Variants in ST3GAL6 observed in about 807,000 individuals in gnomAD.
The protein encoded by ST3GAL6 is type 2 lactosamine alpha-2,3-sialyltransferase.
A neutral mutation model predicts 40.5 loss-of-function variants in ST3GAL6; 31 were observed. That is an observed-to-expected ratio of 0.77 (90% CI 0.58 to 1.03). The LOEUF is 1.03. Ranked by LOEUF, ST3GAL6 falls within the 50% of genes least tolerant of loss-of-function variation. ST3GAL6 has a pLI of 0.00. For synonymous variants in ST3GAL6, 129 were observed against 136.9 expected (o/e 0.94, Z 0.40); for missense variants, 357 against 393.2 (o/e 0.91, Z 0.78).
At chr3:98,755,057 A>AT (rs965015303) in intron 1 of ST3GAL6, among the ~76,000 whole-genome samples, 46 of 151,706 alleles carry the variant, frequency 3.0e-4, no homozygotes, top group African/African-American at 1.1e-3. Context: ...TTATTTGTTT[A>AT]TTTTTTTTGA....
At chr3:98,782,555 C>A in intron 5 of ST3GAL6, 2 of 553,908 alleles carry the variant, frequency 3.6e-6, no homozygotes, top group East Asian at 3.2e-5. Flanking sequence ...ATCCAAGTAC[C>A]ATGCTCTTTA....
chr3:98,732,957 G>A, intron 1 of ST3GAL6: 1 of 1,505,958 alleles, frequency 6.6e-7, no homozygotes. Context: ...GTCGCTCCTG[G>A]GCCTCGGCGG....
chr3:98,770,883 G>T lies in ST3GAL6; in HGVS notation c.94G>T (p.Ala32Ser). 6.2e-7 allele frequency: 1 copy of T among 1,613,974 alleles called. No individual in the cohort carries two copies. Among genetic ancestry groups the T allele is most frequent in the Non-Finnish European group, 8.5e-7 (1 of 1,179,942 alleles). ...GACATTATTTTTGTCTCATAGGGTG[G>T]CACCTGTGGAAATGAAACGGAGAAA... ...ILWGTNVYWV[A>S]PVEMKRRNKI... Residue 32 changes from alanine (A) to serine (S), a missense_variant, in exon 3 of 10, where the codon GCA becomes TCA. Physicochemically the swap from Ala to Ser is moderately conservative, Grantham distance 99 (BLOSUM62 1). Coordinates refer to ENST00000483910, the MANE Select transcript of ST3GAL6 (RefSeq NM_001323368.2).
At chr3:98,759,614 T>C (rs1048941104), upstream of ST3GAL6, among the ~76,000 whole-genome samples, 1 of 152,176 alleles carries the variant, frequency 6.6e-6, no homozygotes, top group Non-Finnish European at 1.5e-5. Flanking sequence ...AGTTTTTTTT[T>C]TTTAAACTTT....
intron 5 of ST3GAL6, among the ~76,000 whole-genome samples, chr3:98,781,227 A>G (rs1020333582): frequency 6.6e-6 from 1 of 152,166 alleles, no homozygotes; most frequent in Non-Finnish European, 1.5e-5. Context: ...CTAACACAGG[A>G]ACAGAAAACC....
chr3:98,762,938 A>G, upstream of ST3GAL6: 1 of 985,470 alleles, frequency 1.0e-6, no homozygotes, highest in Non-Finnish European at 1.2e-6. Context: ...TTACATGATC[A>G]TCGCTGCCAG....
At chr3:98,782,166 G>T in intron 5 of ST3GAL6, 3 of 681,178 alleles carry the variant, frequency 4.4e-6, no homozygotes, top group Non-Finnish European at 7.9e-6. Context: ...AATCAAACTT[G>T]CTTGTAAAAG....
chr3:98,774,826 T>G (rs1939359898), intron 5 of ST3GAL6, among the ~76,000 whole-genome samples: 1 of 152,242 alleles, frequency 6.6e-6, no homozygotes, highest in Non-Finnish European at 1.5e-5. Context: ...GTTTATCTCA[T>G]TTTTCTCTGT....
intron 5 of ST3GAL6, chr3:98,782,919 TCA>T: frequency 4.4e-6 from 1 of 228,688 alleles, no homozygotes; most frequent in East Asian, 1.2e-4. Context: ...GAAGTGTTAC[TCA>T]GCTCAGTCTA....
chr3:98,767,546 A>G (rs1370973758), intron 1 of ST3GAL6, among the ~76,000 whole-genome samples: 1 of 152,258 alleles, frequency 6.6e-6, no homozygotes, highest in East Asian at 1.9e-4. Context: ...TAAGGGAGAC[A>G]GAGAAGCAGT....
rs774781431 is a variant in ST3GAL6, at chr3:98,785,025, A to G, written c.416A>G (p.Tyr139Cys). The change falls in exon 6 of 10, where the codon TAT becomes TGT. Residue 139 changes from tyrosine (Y) to cysteine (C), a missense_variant. Tyr to Cys is a radical substitution (Grantham distance 194, BLOSUM62 -2). Transcript: ENST00000483910. Reference protein sequence around the residue: ...NKTLGEKIDSYDVIIRMNNGP... With the variant: ...NKTLGEKIDSCDVIIRMNNGP... ...ACATTAGGAGAAAAAATCGACTCCT[A>G]TGATGTAATAATAAGGTAAATATAT... is the stretch of plus-strand genomic sequence containing the variant. 4 of 1,601,944 alleles carry G rather than the reference A, an allele frequency of 2.5e-6. No homozygotes were observed. The highest frequency in any genetic ancestry group is 1.7e-4 in the Middle Eastern group (1 of 6,044).
intron 8 of ST3GAL6, among the ~76,000 whole-genome samples, chr3:98,789,092 C>T (rs1440705507): frequency 6.6e-6 from 1 of 152,194 alleles, no homozygotes; most frequent in Non-Finnish European, 1.5e-5. Context: ...TAGACCCATA[C>T]AGTGGCAGAG....
intron 1 of ST3GAL6, among the ~76,000 whole-genome samples, chr3:98,755,576 A>G (rs1389379169): frequency 6.6e-6 from 1 of 152,164 alleles, no homozygotes; most frequent in Non-Finnish European, 1.5e-5. Flanking sequence ...TGCAGCTGCT[A>G]TTTTTCAAGT....
chr3:98,786,394 C>G (rs932472230), intron 6 of ST3GAL6, among the ~76,000 whole-genome samples: 3 of 152,114 alleles, frequency 2.0e-5, no homozygotes, highest in Admixed American at 6.5e-5. Context: ...TGTTCCAGGA[C>G]AGAAGGAGTG....
At chr3:98,762,388 TC>T (rs1249477728), upstream of ST3GAL6, among the ~76,000 whole-genome samples, 1 of 152,264 alleles carries the variant, frequency 6.6e-6, no homozygotes, top group African/African-American at 2.4e-5. Flanking sequence ...AGAGTTTTTT[TC>T]TTAACTTGTA....
At chr3:98,790,003 TGGA>T (rs1268080628) in intron 8 of ST3GAL6, among the ~76,000 whole-genome samples, 5 of 152,030 alleles carry the variant, frequency 3.3e-5, no homozygotes, top group African/African-American at 1.2e-4. Context: ...TTTAGAAACG[TGGA>T]GGTCATATTG....
In ST3GAL6 at chr3:98,791,959, A is replaced by G. The variant is rs1941244080; in HGVS notation, c.875A>G (p.Tyr292Cys). The change falls in exon 9 of 10, where the codon TAC (tyrosine) becomes TGC (cysteine). Residue 292 changes from tyrosine to cysteine, a missense_variant. Coordinates refer to ENST00000483910, the MANE Select transcript of ST3GAL6 (RefSeq NM_001323368.2). ...TCTGACCTCAAGAGTCCTTTGCACT[A>G]CTATGGGAATGCCACCATGTCTTTG... ...NFSDLKSPLH[Y>C]YGNATMSLMN... 1.9e-6 allele frequency: 3 copies of G among 1,613,888 alleles called. No homozygotes were observed. The highest frequency in any genetic ancestry group is 2.2e-5 in the East Asian group (1 of 44,866).
chr3:98,740,225 CTTT>C (rs764868667), intron 1 of ST3GAL6, among the ~76,000 whole-genome samples: 36,694 of 121,680 alleles, frequency 0.3, 5,008 homozygotes, highest in South Asian at 0.42. Context: ...TTGCAAAACA[CTTT>C]TTTTTTTTTT....
intron 1 of ST3GAL6, among the ~76,000 whole-genome samples, chr3:98,757,290 A>G (rs984682979): frequency 6.6e-6 from 1 of 152,206 alleles, no homozygotes; most frequent in Non-Finnish European, 1.5e-5. Flanking sequence ...GTGCTGGCCA[A>G]TATGGACACT....
Sources: gnomAD v4.1 joint callset for allele counts (sites outside exome capture counted in the v4.1 genomes callset) on GRCh38, gnomAD v4.1.1 for gene constraint, MANE v1.5 for transcripts, NCBI Gene and HGNC (gene_info 2026-07-23, HGNC 2026-07-21) for gene names.